The following COA1 variants were observed in gnomAD, a reference collection of about 807,000 sequenced individuals.
The protein encoded by COA1 is cytochrome c oxidase assembly factor 1 homolog.
In COA1, 13 loss-of-function variants were observed where a neutral mutation model predicts 16.0. That is an observed-to-expected ratio of 0.81 (90% CI 0.53 to 1.29). COA1 has a LOEUF of 1.29. Ranked by LOEUF, COA1 falls within the 50% of genes most tolerant of loss-of-function variation. COA1 has a pLI of 0.00. For missense variants in COA1, 179 were observed against 177.0 expected, an observed-to-expected ratio of 1.01 and a Z score of -0.06; for synonymous variants, 65 against 65.7, an observed-to-expected ratio of 0.99 and a Z score of 0.05.
intron 6 of COA1, among the ~76,000 whole-genome samples, chr7:43,612,814 G>T (rs1313043293): frequency 6.6e-6 from 1 of 152,276 alleles, no homozygotes; most frequent in Non-Finnish European, 1.5e-5. Flanking sequence ...TTCTTGGGGT[G>T]GGGGAGGGAG....
chr7:43,635,225 G>T (rs1563197617), downstream of COA1, among the ~76,000 whole-genome samples: 1 of 152,100 alleles, frequency 6.6e-6, no homozygotes, highest in Non-Finnish European at 1.5e-5. Flanking sequence ...CTCTCCAATT[G>T]AATATTAAGT....
At chr7:43,644,735 TAGATAGATAGATA>T (rs1563227556) in intron 4 of COA1, among the ~76,000 whole-genome samples, 1 of 83,412 alleles carries the variant, frequency 1.2e-5, no homozygotes, top group African/African-American at 3.9e-5. Flanking sequence ...GATAGATAGA[TAGATAGATAGATA>T]GATAGATAGA....
At chr7:43,623,211 G>C (rs898403249) in intron 6 of COA1, 2 of 196,654 alleles carry the variant, frequency 1.0e-5, no homozygotes, top group Non-Finnish European at 2.0e-5. Flanking sequence ...TGAGGGTGGG[G>C]CAATGGAGAA....
At chr7:43,634,656 A>G (rs2085564694), downstream of COA1, among the ~76,000 whole-genome samples, 1 of 152,118 alleles carries the variant, frequency 6.6e-6, no homozygotes, top group Non-Finnish European at 1.5e-5. Flanking sequence ...ACAGGCAAAG[A>G]AGGTCTAGGC....
intron 6 of COA1, chr7:43,632,596 A>G (rs972239482): frequency 2.6e-5 from 4 of 152,274 alleles, no homozygotes; most frequent in South Asian, 2.1e-4. Context: ...TTCTTGATCT[A>G]TCAGCAGCAG....
chr7:43,651,689 TA>T (rs539990413), intron 1 of COA1, among the ~76,000 whole-genome samples: 3,921 of 107,076 alleles, frequency 0.037, 43 homozygotes, highest in African/African-American at 0.056. Context: ...AGGAAGAGCT[TA>T]AAAAAAAAAA....
chr7:43,675,265 C>T (rs899437851), intron 1 of COA1, among the ~76,000 whole-genome samples: 1 of 152,150 alleles, frequency 6.6e-6, no homozygotes, highest in Non-Finnish European at 1.5e-5. Context: ...AAAATGAAGA[C>T]TTCATGTCCT....
intron 1 of COA1, among the ~76,000 whole-genome samples, chr7:43,664,946 A>G (rs577662020): frequency 6.6e-6 from 1 of 152,220 alleles, no homozygotes; most frequent in African/African-American, 2.4e-5. Context: ...CTAAATTCCG[A>G]TGTTCTCACA....
rs965457241 is a variant in COA1 at position 43,645,524 on chromosome 7, C to T, written c.116-125G>A. 46 of 832,412 alleles carry T rather than the reference C, an allele frequency of 5.5e-5. 1 individual carries two copies. Among genetic ancestry groups the T allele is most frequent in the East Asian group, 1.8e-4 (7 of 38,398 alleles). The allele number at this position is 832,412 out of a possible 1,614,324, so 51.6% of individuals were successfully genotyped here. On this transcript the variant is annotated intron_variant, in intron 3 of 5. Transcript: ENST00000223336. ...CAGAAACGTGAAATCTGTGGATGGA[C>T]GAATAATTAAGGCCATCTACTCTAA...
chr7:43,724,999 G>T (rs758768211), intron 1 of COA1, among the ~76,000 whole-genome samples: 2 of 152,250 alleles, frequency 1.3e-5, no homozygotes, highest in Non-Finnish European at 2.9e-5. Flanking sequence ...AGCACTTTGG[G>T]AGGCTGAGGT....
At chr7:43,654,503 A>G (rs954655703) in intron 1 of COA1, among the ~76,000 whole-genome samples, 12 of 152,220 alleles carry the variant, frequency 7.9e-5, no homozygotes, top group African/African-American at 2.9e-4. Flanking sequence ...ATAAGGAGTG[A>G]TGTCAAGGAA....
In COA1 at chr7:43,697,711, T is replaced by C. The variant is rs187330634; in HGVS notation, c.-39+31718A>G. On this transcript the variant is annotated intron_variant, in intron 1 of 5. Coordinates refer to ENST00000223336, the MANE Select transcript of COA1 (RefSeq NM_018224.4). Reference sequence around the variant, plus strand: ...ATTCTGGAATTCCACAAGAAAAGATTTGGCTGCCCTCACACTCAGTATTCC... The same window carrying C: ...ATTCTGGAATTCCACAAGAAAAGATCTGGCTGCCCTCACACTCAGTATTCC... Among the ~76,000 whole-genome samples, 419 of 152,312 alleles carry C rather than the reference T, an allele frequency of 2.8e-3. 1 individual carries two copies. The highest frequency in any genetic ancestry group is 9.3e-3 in the African/African-American group (388 of 41,566).
intron 1 of COA1, among the ~76,000 whole-genome samples, chr7:43,710,791 G>T (rs2095220008): frequency 6.6e-6 from 1 of 152,118 alleles, no homozygotes; most frequent in South Asian, 2.1e-4. Context: ...AACCTCAGGT[G>T]CTAAGCCCTT....
intron 6 of COA1, among the ~76,000 whole-genome samples, chr7:43,620,673 CAA>C (rs34416780): frequency 3.0e-5 from 4 of 131,288 alleles, no homozygotes; most frequent in African/African-American, 3.0e-5. Flanking sequence ...GACTCCGTCT[CAA>C]AAAAAAAAAA....
intron 1 of COA1, among the ~76,000 whole-genome samples, chr7:43,681,431 C>T (rs762140912): frequency 6.6e-6 from 1 of 152,148 alleles, no homozygotes; most frequent in African/African-American, 2.4e-5. Context: ...TTTTGTACAT[C>T]GTAATAAATC....
At chr7:43,610,471 G>C (rs1355773041) in intron 6 of COA1, among the ~76,000 whole-genome samples, 2 of 151,078 alleles carry the variant, frequency 1.3e-5, no homozygotes, top group Non-Finnish European at 2.9e-5. Context: ...TTCAAGACCA[G>C]CCTGGCCAAC....
intron 2 of COA1, chr7:43,647,923 G>C (rs540339266): frequency 7.9e-5 from 31 of 393,110 alleles, no homozygotes; most frequent in African/African-American, 5.7e-4. Context: ...CCACCATCCT[G>C]ACAGACACAG....
chr7:43,637,179 A>T (rs1359240554), downstream of COA1, among the ~76,000 whole-genome samples: 1 of 152,090 alleles, frequency 6.6e-6, no homozygotes, highest in Non-Finnish European at 1.5e-5. Flanking sequence ...CCCCTAACTG[A>T]TATCTCTCTT....
At chr7:43,718,412 A>G (rs2095438627) in intron 1 of COA1, among the ~76,000 whole-genome samples, 1 of 152,212 alleles carries the variant, frequency 6.6e-6, no homozygotes, top group African/African-American at 2.4e-5. Flanking sequence ...GTGGAGCTCT[A>G]AGAACCAATC....
Sources: allele counts gnomAD v4.1 joint callset (sites outside exome capture counted in the v4.1 genomes callset), GRCh38; gene constraint gnomAD v4.1.1; transcripts MANE v1.5; gene names NCBI Gene and HGNC (gene_info 2026-07-23, HGNC 2026-07-21).